Variants in NR5A1 observed in about 807,000 individuals in gnomAD.
The protein encoded by NR5A1 is steroidogenic factor 1.
A neutral mutation model predicts 42.7 loss-of-function variants in NR5A1; 6 were observed. The observed-to-expected ratio is 0.14, with a 90% CI of 0.08 to 0.28. NR5A1 has a LOEUF of 0.28. NR5A1 is among the 10% of genes least tolerant of loss of function. The probability of loss-of-function intolerance (pLI) is 1.00; values close to 1 mark genes in which losing one functional copy is unlikely to be tolerated. For synonymous variants in NR5A1, 274 were observed against 277.5 expected, an observed-to-expected ratio of 0.99 and a Z score of 0.12; for missense variants, 442 against 626.4, an observed-to-expected ratio of 0.71 and a Z score of 3.14.
chr9:124,486,485 G>T (rs1832211365), intron 6 of NR5A1, among the ~76,000 whole-genome samples: 1 of 152,208 alleles, frequency 6.6e-6, no homozygotes, highest in Non-Finnish European at 1.5e-5. Context: ...AGGCAAGCAG[G>T]ACTGGGGCCC....
intron 6 of NR5A1, among the ~76,000 whole-genome samples, chr9:124,490,644 G>A (rs996618866): frequency 3.9e-5 from 6 of 152,174 alleles, no homozygotes; most frequent in Admixed American, 6.5e-5. Flanking sequence ...CAAGGGCTGG[G>A]CTTGGGGGGT....
intron 6 of NR5A1, among the ~76,000 whole-genome samples, chr9:124,485,999 T>C (rs1832201863): frequency 6.8e-6 from 1 of 147,986 alleles, no homozygotes; most frequent in African/African-American, 2.5e-5. Flanking sequence ...CCGGCCAGGA[T>C]ACCGCAGTAG....
At chr9:124,504,206 C>T (rs1410590026) in intron 1 of NR5A1, among the ~76,000 whole-genome samples, 1 of 152,114 alleles carries the variant, frequency 6.6e-6, no homozygotes, top group African/African-American at 2.4e-5. Context: ...ACGAGAGGAG[C>T]CCCGGAGAGA....
rs546728327 is a variant in NR5A1 at position 124,501,759 on chromosome 9, G to A, written c.245-1044C>T. On this transcript the variant is annotated intron_variant, in intron 3 of 6. Coordinates refer to ENST00000373588, the MANE Select transcript of NR5A1 (RefSeq NM_004959.5). This position sits in a 1 kb window ranked among gnomAD's most constrained non-coding sequence, Gnocchi z 4.1. ...GACAGGATGTCCCCTCTCCCATCCA[G>A]GAGTCCTTTCTCCAGGTGGCAGGGC... Among the ~76,000 whole-genome samples the A allele has an allele frequency of 1.9e-4, 29 of 152,330 alleles. No homozygotes were observed. Among genetic ancestry groups the A allele is most frequent in the Middle Eastern group, 3.4e-3 (1 of 294 alleles).
chr9:124,503,179 C>T lies in NR5A1; in HGVS notation c.144G>A (p.Thr48=), dbSNP rs201827533. The T allele has an allele frequency of 1.0e-5, 16 of 1,602,358 alleles. 1 individual carries two copies. The highest frequency in any genetic ancestry group is 1.4e-5 in the Non-Finnish European group (16 of 1,175,502). The change falls in exon 3 of 7, where the codon ACG becomes ACA. Residue 48 remains threonine (T), a synonymous_variant. Coordinates refer to ENST00000373588, the MANE Select transcript of NR5A1 (RefSeq NM_004959.5). The surrounding 1 kb of genome is among the most constrained non-coding windows in gnomAD (Gnocchi z 9.6). The part of the protein sequence containing the change: ...KRTVQNNKHY[T]CTESQSCKID... ...TCTTGCAGCTCTGGCTCTCGGTGCA[C>T]GTGTAGTGCTTGTTGTTCTGCACCG...
chr9:124,495,577 C>T (rs1832379227), intron 4 of NR5A1, among the ~76,000 whole-genome samples: 1 of 152,130 alleles, frequency 6.6e-6, no homozygotes, highest in South Asian at 2.1e-4. Flanking sequence ...AAAACTCAGG[C>T]CCACCGTAGA....
chr9:124,498,151 GAA>G lies in NR5A1; in HGVS notation c.870+1937_870+1938del, dbSNP rs1832414051. Among the ~76,000 whole-genome samples, 3 of 152,152 alleles carry G rather than the reference GAA, an allele frequency of 2.0e-5. No homozygotes were observed. Among genetic ancestry groups the G allele is most frequent in the Admixed American group, 6.5e-5 (1 of 15,280 alleles). On this transcript the variant is annotated intron_variant, in intron 4 of 6. Coordinates refer to ENST00000373588, the MANE Select transcript of NR5A1 (RefSeq NM_004959.5). This position sits in a 1 kb window ranked among gnomAD's most constrained non-coding sequence, Gnocchi z 4.6. ...AGGTGGGGAAATGAATGATCAGCTA[GAA>G]GAGACGCCGGAGTCACCCACACCCC...
chr9:124,504,478 G>C (rs974226458), intron 1 of NR5A1, among the ~76,000 whole-genome samples: 1 of 151,988 alleles, frequency 6.6e-6, no homozygotes, highest in Non-Finnish European at 1.5e-5. Flanking sequence ...ACGGCAACGG[G>C]AGGCGCAGCC....
intron 6 of NR5A1, among the ~76,000 whole-genome samples, chr9:124,489,953 G>A (rs920769067): frequency 2.0e-5 from 3 of 151,836 alleles, no homozygotes; most frequent in Admixed American, 6.6e-5. Flanking sequence ...CCCACTTTTC[G>A]TTAATCCCCT....
rs1832446683 is a variant in NR5A1 at position 124,500,285 on chromosome 9, C to T, written c.675G>A (p.Glu225=). 2 of 1,573,606 alleles carry T rather than the reference C, an allele frequency of 1.3e-6. No homozygotes were observed. The highest frequency in any genetic ancestry group is 2.7e-5 in the African/African-American group (2 of 73,920). ...CCAGCTGCAGCAGCTGCAGGATGAG[C>T]TCAGGCACGTTGGGCCCTCCAGAGA... ...EPFSGGPNVP[E]LILQLLQLEP... Residue 225 remains glutamate, a synonymous_variant, in exon 4 of 7, where the codon GAG becomes GAA. Transcript: ENST00000373588. This position sits in a 1 kb window ranked among gnomAD's most constrained non-coding sequence, Gnocchi z 6.9.
At chr9:124,492,318 C>T (rs1472241344) in intron 5 of NR5A1, among the ~76,000 whole-genome samples, 15 of 151,250 alleles carry the variant, frequency 9.9e-5, no homozygotes, top group Admixed American at 4.6e-4. Context: ...GTGTCCCCAC[C>T]CTGGCCCCCC....
chr9:124,483,524 G>A lies in NR5A1; in HGVS notation c.1139-519C>T, dbSNP rs867331546. Among the ~76,000 whole-genome samples the A allele has an allele frequency of 3.3e-5, 5 of 152,180 alleles. No individual in the cohort carries two copies. In the South Asian group the frequency reaches 6.2e-4, roughly 19 times the overall value. On this transcript the variant is annotated intron_variant, in intron 6 of 6. Transcript: ENST00000373588. ...ACAGTGTCTGGCACGTGAGAAGCTC[G>A]GTGGGTTGGGTTAGCTGGCACCACA...
In NR5A1 at chr9:124,503,069, C is replaced by A; in HGVS notation, c.244+10G>T. ...GGGGGGTCAGGGGTCGAGGCCCGCG[C>A]GGCGCGCACCTTCCAGGCGCATCCC... On this transcript the variant is annotated intron_variant, in intron 3 of 6. Transcript: ENST00000373588. This position sits in a 1 kb window ranked among gnomAD's most constrained non-coding sequence, Gnocchi z 9.6. The A allele has an allele frequency of 1.3e-6, 2 of 1,565,416 alleles. No homozygotes were observed. Among genetic ancestry groups the A allele is most frequent in the Non-Finnish European group, 8.6e-7 (1 of 1,159,250 alleles).
intron 1 of NR5A1, among the ~76,000 whole-genome samples, chr9:124,506,394 G>A (rs1832560500): frequency 6.6e-6 from 1 of 152,190 alleles, no homozygotes; most frequent in Non-Finnish European, 1.5e-5. Flanking sequence ...TGAGAAACAA[G>A]AGCATCTGCC....
chr9:124,500,684 C>T lies in NR5A1; in HGVS notation c.276G>A (p.Arg92=), dbSNP rs534565332. The change falls in exon 4 of 7, where the codon CGG becomes CGA. Residue 92 remains arginine, a synonymous_variant. Coordinates refer to ENST00000373588, the MANE Select transcript of NR5A1 (RefSeq NM_004959.5). The surrounding 1 kb of genome is among the most constrained non-coding windows in gnomAD (Gnocchi z 6.9). ...AVRADRMRGG[R]NKFGPMYKRD... Reference sequence around the variant, plus strand: ...GCTTGTACATCGGCCCAAACTTGTTCCGGCCACCCCTCATACGGTCAGCGC... The same window carrying T: ...GCTTGTACATCGGCCCAAACTTGTTTCGGCCACCCCTCATACGGTCAGCGC... 6.2e-7 allele frequency: 1 copy of T among 1,613,168 alleles called. No individual in the cohort carries two copies. The highest frequency in any genetic ancestry group is 1.3e-5 in the African/African-American group (1 of 75,056).
At chr9:124,484,348 T>A (rs555781603) in intron 6 of NR5A1, among the ~76,000 whole-genome samples, 1 of 152,224 alleles carries the variant, frequency 6.6e-6, no homozygotes, top group African/African-American at 2.4e-5. Flanking sequence ...TAGGCAGAAG[T>A]CAGGGAGCCC....
At chr9:124,502,201 T>C (rs1416446696) in intron 3 of NR5A1, among the ~76,000 whole-genome samples, 2 of 152,182 alleles carry the variant, frequency 1.3e-5, no homozygotes, top group African/African-American at 4.8e-5. Flanking sequence ...CCTGCGGCAA[T>C]GAACGCCTAG....
In NR5A1 at chr9:124,496,613, C is replaced by A. The variant is rs1309294208; in HGVS notation, c.871-3464G>T. Among the ~76,000 whole-genome samples, 1 of 152,200 alleles carries A rather than the reference C, an allele frequency of 6.6e-6. No homozygotes were observed. The highest frequency in any genetic ancestry group is 1.5e-5 in the Non-Finnish European group (1 of 68,028). On this transcript the variant is annotated intron_variant, in intron 4 of 6. Coordinates refer to ENST00000373588, the MANE Select transcript of NR5A1 (RefSeq NM_004959.5). This position sits in a 1 kb window ranked among gnomAD's most constrained non-coding sequence, Gnocchi z 5.0. ...TGGTCTGGCTGTGAAGGCCGGTGGGCTGTGTAATTCTCTGGTGGCTGACAC... is the reference window on the plus strand; with the variant it reads ...TGGTCTGGCTGTGAAGGCCGGTGGGATGTGTAATTCTCTGGTGGCTGACAC...
chr9:124,501,072 G>C lies in NR5A1; in HGVS notation c.245-357C>G. On this transcript the variant is annotated intron_variant, in intron 3 of 6. Coordinates refer to ENST00000373588, the MANE Select transcript of NR5A1 (RefSeq NM_004959.5). The surrounding 1 kb of genome is among the most constrained non-coding windows in gnomAD (Gnocchi z 4.1). ...CCAGCCTCAATGTCACTACTTCCAG[G>C]AAGCACTCCTGGATTCATGCAAACG... 3.6e-6 allele frequency: 2 copies of C among 549,230 alleles called. No homozygotes were observed. Among genetic ancestry groups the C allele is most frequent in the African/African-American group, 1.9e-5 (1 of 53,086 alleles). The allele number at this position is 549,230 out of a possible 1,614,324, so 34.0% of individuals were successfully genotyped here.
Sources: gnomAD v4.1 joint callset for allele counts (sites outside exome capture counted in the v4.1 genomes callset) on GRCh38, gnomAD v4.1.1 for gene constraint, Gnocchi (gnomAD v3.1) non-coding constraint, MANE v1.5 for transcripts, NCBI Gene and HGNC (gene_info 2026-07-23, HGNC 2026-07-21) for gene names.